Variants in GPR180 observed in about 807,000 individuals in gnomAD.
The protein encoded by GPR180 is G protein-coupled receptor 180, also known as integral membrane protein GPR180.
In GPR180, 53 loss-of-function variants were observed where a neutral mutation model predicts 52.6. That is an observed-to-expected ratio of 1.01 (90% CI 0.81 to 1.27). GPR180 has a LOEUF of 1.27. GPR180 is among the 50% of genes most tolerant of loss of function. The pLI, the probability that GPR180 is intolerant of heterozygous loss-of-function variation, is 0.00. For missense variants in GPR180, 533 were observed against 527.0 expected (o/e 1.01, Z -0.11); for synonymous variants, 200 against 193.1 (o/e 1.04, Z -0.30).
intron 2 of GPR180, among the ~76,000 whole-genome samples, chr13:94,608,988 CAA>C (rs1004819070): frequency 8.5e-5 from 13 of 152,140 alleles, no homozygotes; most frequent in African/African-American, 2.4e-4. Context: ...AGCAAGCAAA[CAA>C]GACATTTGAA....
chr13:94,624,912 A>G (rs4465476), intron 7 of GPR180, among the ~76,000 whole-genome samples: 98,022 of 151,674 alleles, frequency 0.65, 33,658 homozygotes, highest in African/African-American at 0.88. Flanking sequence ...GCTCACTGCA[A>G]CTTCCATCTC....
Position 94,627,253 on chromosome 13 carries a change from CATT to C in GPR180, c.*83_*85del. The C allele has an allele frequency of 1.7e-6, 2 of 1,182,278 alleles. No individual in the cohort carries two copies. Among genetic ancestry groups the C allele is most frequent in the Non-Finnish European group, 1.2e-6 (1 of 822,566 alleles). The allele number at this position is 1,182,278 out of a possible 1,614,324, so 73.2% of individuals were successfully genotyped here. A position where few individuals can be genotyped will look rare whatever the true frequency, so the allele number is the denominator to read the frequency against. ...CAAATACAGTGACTTTTTTTTCATA[CATT>C]TAGTATGAAAACTTGAACAGCGAAA... On this transcript the variant is annotated 3_prime_UTR_variant, in exon 9 of 9. Coordinates refer to ENST00000376958, the MANE Select transcript of GPR180 (RefSeq NM_180989.6).
chr13:94,614,823 C>T (rs772101219), intron 3 of GPR180, among the ~76,000 whole-genome samples: 2 of 152,184 alleles, frequency 1.3e-5, no homozygotes, highest in African/African-American at 2.4e-5. Flanking sequence ...TCACTATAAT[C>T]GTATGTATTT....
intron 7 of GPR180, among the ~76,000 whole-genome samples, chr13:94,624,619 G>T (rs1013947657): frequency 1.3e-5 from 2 of 152,310 alleles, no homozygotes; most frequent in Middle Eastern, 3.4e-3. Context: ...GTGCAGTGGC[G>T]TGATCTCGGC....
chr13:94,622,467 G>A (rs937027768), intron 6 of GPR180, among the ~76,000 whole-genome samples: 1 of 152,192 alleles, frequency 6.6e-6, no homozygotes, highest in African/African-American at 2.4e-5. Flanking sequence ...AGACAAGGCA[G>A]ATCAGACAGG....
chr13:94,625,114 T>G (rs1482855596), intron 7 of GPR180, among the ~76,000 whole-genome samples: 2 of 152,246 alleles, frequency 1.3e-5, no homozygotes, highest in African/African-American at 4.8e-5. Flanking sequence ...GCGCCTAGCC[T>G]CTTGTTTTGC....
rs1456532370 is a variant in GPR180 at position 94,631,483 on chromosome 13, A to G, written c.*4312A>G. 2 of 151,306 alleles carry G rather than the reference A, an allele frequency of 1.3e-5. No individual in the cohort carries two copies. The highest frequency in any genetic ancestry group is 2.1e-4 in the South Asian group (1 of 4,740). 9.4% of individuals were successfully genotyped at this position (151,306 alleles called of 1,614,324 possible). On this transcript the variant is annotated 3_prime_UTR_variant, in exon 9 of 9. Coordinates refer to ENST00000376958, the MANE Select transcript of GPR180 (RefSeq NM_180989.6). ...AATGCTATTCCCCCATCCTAGTTCT[A>G]TCATATTATCCCTTTTTTTGTTTGT...
Position 94,602,348 on chromosome 13 carries a change from T to C in GPR180, c.145+276T>C, listed in dbSNP as rs71431472. Among the ~76,000 whole-genome samples, 575 of 152,136 alleles carry C rather than the reference T, an allele frequency of 3.8e-3. 3 individuals are homozygous for C. The highest frequency in any genetic ancestry group is 5.8e-3 in the Non-Finnish European group (395 of 67,990). ...AAGCTGGTTTCCATTTCCCCAACCCTCCCCTTGGAAGCCAATGTGCAAAAG... is the reference window on the plus strand; with the variant it reads ...AAGCTGGTTTCCATTTCCCCAACCCCCCCCTTGGAAGCCAATGTGCAAAAG... On this transcript the variant is annotated intron_variant, in intron 1 of 8. Coordinates refer to ENST00000376958, the MANE Select transcript of GPR180 (RefSeq NM_180989.6).
intron 5 of GPR180, 89 bp from the exon 6 acceptor site, chr13:94,620,989 A>G (rs1240418894): frequency 2.3e-5 from 25 of 1,065,956 alleles, no homozygotes; most frequent in Non-Finnish European, 3.0e-5. Flanking sequence ...GTTTTTCTTA[A>G]AAAAAAAAAA....
In GPR180 at chr13:94,627,208, A is replaced by G. The variant is rs751635617; in HGVS notation, c.*37A>G. ...TGTTGAGAGGAAAAGTGAATTGGTTAAAAGAGTGCAATAAGGATCCAAATA... is the reference window on the plus strand; with the variant it reads ...TGTTGAGAGGAAAAGTGAATTGGTTGAAAGAGTGCAATAAGGATCCAAATA... On this transcript the variant is annotated 3_prime_UTR_variant, in exon 9 of 9. Transcript: ENST00000376958. 1.3e-6 allele frequency: 2 copies of G among 1,577,300 alleles called. No homozygotes were observed. Among genetic ancestry groups the G allele is most frequent in the South Asian group, 2.2e-5 (2 of 89,038 alleles).
chr13:94,613,070 T>A (rs950813450), intron 3 of GPR180, among the ~76,000 whole-genome samples: 1 of 152,246 alleles, frequency 6.6e-6, no homozygotes, highest in African/African-American at 2.4e-5. Flanking sequence ...ATGATCATGA[T>A]GAACATGCTA....
chr13:94,617,168 A>G (rs1339848645), intron 3 of GPR180, among the ~76,000 whole-genome samples: 1 of 152,090 alleles, frequency 6.6e-6, no homozygotes, highest in Non-Finnish European at 1.5e-5. Context: ...TTTTCATGGT[A>G]GAGTTGTAAC....
Position 94,603,082 on chromosome 13 carries a change from A to ATTTT in GPR180, c.145+1021_145+1024dup, listed in dbSNP as rs56263700. Among the ~76,000 whole-genome samples the ATTTT allele has an allele frequency of 9.3e-4, 137 of 148,092 alleles. 1 individual carries two copies. The highest frequency in any genetic ancestry group is 2.6e-3 in the African/African-American group (106 of 40,482). On this transcript the variant is annotated intron_variant, in intron 1 of 8. Coordinates refer to ENST00000376958, the MANE Select transcript of GPR180 (RefSeq NM_180989.6). ...GACAGAATAAAGGGAAGGGATCCTG[A>ATTTT]TTTTTTTTTTTTTTGAAGTTTTTAA...
intron 3 of GPR180, among the ~76,000 whole-genome samples, chr13:94,613,388 C>G (rs763136662): frequency 6.6e-6 from 1 of 152,130 alleles, no homozygotes; most frequent in Non-Finnish European, 1.5e-5. Flanking sequence ...AAGGGATAAA[C>G]TTTTTAAAAA....
chr13:94,626,124 T>A, intron 8 of GPR180, 81 bp downstream of exon 8: 1 of 872,704 alleles, frequency 1.1e-6, no homozygotes, highest in Non-Finnish European at 1.8e-6. Context: ...AGGAGGGACC[T>A]ATTTATTTTT....
At position 94,603,441 on chromosome 13, in the gene GPR180, AT is replaced by A. The variant is rs370732087; in HGVS notation, c.145+1371del. The stretch of plus-strand genomic sequence containing the variant: ...ACTAAATTCAGATTTCTCAAGACAG[AT>A]TGGGGATAAGGTGTTTCAAGTGCGT... On this transcript the variant is annotated intron_variant, in intron 1 of 8. Transcript: ENST00000376958. 5.6e-4 allele frequency among the ~76,000 whole-genome samples: 86 copies of A among 152,292 alleles called. 1 individual carries two copies. The South Asian group carries it at 0.017, about 30-fold the overall frequency.
Position 94,628,514 on chromosome 13 carries a change from T to TA in GPR180, c.*1345dup, listed in dbSNP as rs1358040633. Reference sequence around the variant, plus strand: ...AAATTTTTTAATTAAATAGTTAAAATAATGTAGTGCAACTTAAAAATATCT... The same window carrying TA: ...AAATTTTTTAATTAAATAGTTAAAATAAATGTAGTGCAACTTAAAAATATCT... On this transcript the variant is annotated 3_prime_UTR_variant, in exon 9 of 9. Transcript: ENST00000376958. 6.6e-6 allele frequency: 1 copy of TA among 151,980 alleles called. No homozygotes were observed. Among genetic ancestry groups the TA allele is most frequent in the East Asian group, 1.9e-4 (1 of 5,196 alleles). 9.4% of individuals were successfully genotyped at this position (151,980 alleles called of 1,614,324 possible). A position where few individuals can be genotyped will look rare whatever the true frequency, so the allele number is the denominator to read the frequency against.
chr13:94,602,139 C>T lies in GPR180; in HGVS notation c.145+67C>T, dbSNP rs528248691. On this transcript the variant is annotated intron_variant, in intron 1 of 8. Coordinates refer to ENST00000376958, the MANE Select transcript of GPR180 (RefSeq NM_180989.6). ...CATCCCGCCGGCTGAGTCCGCCGGC[C>T]GCTCCTCCCGGCCCCTCCCTGCCAC... is the stretch of plus-strand genomic sequence containing the variant. 21 of 1,237,650 alleles carry T rather than the reference C, an allele frequency of 1.7e-5. No individual in the cohort carries two copies. The African/African-American group carries it at 3.0e-4, about 17-fold the overall frequency. The allele number at this position is 1,237,650 out of a possible 1,614,324, so 76.7% of individuals were successfully genotyped here.
At chr13:94,612,548 A>G (rs1406389413) in intron 3 of GPR180, among the ~76,000 whole-genome samples, 158 bp downstream of exon 3, 1 of 152,206 alleles carries the variant, frequency 6.6e-6, no homozygotes, top group Non-Finnish European at 1.5e-5. Context: ...GATAGCCATC[A>G]TATTAATTTT....
Sources: gnomAD v4.1 joint callset for allele counts (sites outside exome capture counted in the v4.1 genomes callset) on GRCh38, gnomAD v4.1.1 for gene constraint, MANE v1.5 for transcripts, NCBI Gene and HGNC (gene_info 2026-07-23, HGNC 2026-07-21) for gene names.